USP54: variants seen among roughly 807,000 people sequenced by gnomAD.
The protein encoded by USP54 is ubiquitin carboxyl-terminal hydrolase 54.
USP54 carries 87 observed loss-of-function variants against 170.5 expected under a neutral mutation model. That is an observed-to-expected ratio of 0.51 (90% CI 0.43 to 0.61). The LOEUF (loss-of-function observed/expected upper bound fraction) is 0.61. USP54 is among the 20% of genes least tolerant of loss of function. USP54 has a pLI of 0.00. For missense variants in USP54, 1,786 were observed against 2,047.8 expected (o/e 0.87, Z 2.47); for synonymous variants, 655 against 742.8 (o/e 0.88, Z 1.92).
At position 73,559,301 on chromosome 10, in the gene USP54, C is replaced by T. The variant is rs1014099495; in HGVS notation, c.240+12120G>A. 6.6e-5 allele frequency among the ~76,000 whole-genome samples: 10 copies of T among 152,106 alleles called. No individual in the cohort carries two copies. In the South Asian group the frequency reaches 1.9e-3, roughly 28 times the overall value. On this transcript the variant is annotated intron_variant, in intron 4 of 23. Transcript: ENST00000687698. ...GTAGGCTGGGCGCGGTGGCTCACAC[C>T]TGTAATCCCAGCACCTTGGGAGGCC...
chr10:73,530,142 C>A lies in USP54; in HGVS notation c.1828+1G>T. On this transcript the variant is annotated splice_donor_variant, in intron 14 of 23. Coordinates refer to ENST00000687698, the MANE Select transcript of USP54 (RefSeq NM_001391956.1). LOFTEE classifies it high-confidence loss of function. ...CAATTCTTCCCTAATTATCTCCTCA[C>A]CTGAATCCTCAGAAAAGGGGCTAAG... The A allele has an allele frequency of 6.2e-7, 1 of 1,607,532 alleles. No homozygotes were observed. Among genetic ancestry groups the A allele is most frequent in the East Asian group, 2.2e-5 (1 of 44,832 alleles).
Position 73,526,657 on chromosome 10 carries a change from C to A in USP54, c.2184G>T (p.Gln728His). 6.2e-7 allele frequency: 1 copy of A among 1,613,962 alleles called. No individual in the cohort carries two copies. The highest frequency in any genetic ancestry group is 1.3e-5 in the African/African-American group (1 of 75,040). Residue 728 changes from glutamine to histidine, a missense_variant, in exon 16 of 24, where the codon CAG becomes CAT. By Grantham distance (24) the Gln-to-His change is conservative (BLOSUM62 0). This residue lies in a region of USP54 where 1,418 missense variants were observed against 1,569.0 expected (regional missense o/e 0.90). Transcript: ENST00000687698. ...TGTCATTCTGCTTACCAGAGAAAGG[C>A]TGACTCTTTGTCCAGCCACCCATGG... ...TASMGGWTKS[Q>H]PFSGEEISSK... is the part of the protein sequence containing the mutation.
At position 73,624,804 on chromosome 10, in the gene USP54, C is replaced by T. The variant is rs549308768; in HGVS notation, c.-18+763G>A. On this transcript the variant is annotated intron_variant, in intron 1 of 22. Transcript: ENST00000339859. ...GTGATTTTTAACTCCTGAGAGACAT[C>T]TTTTATTTCAACATTGAGACATTCA... 2.6e-5 allele frequency among the ~76,000 whole-genome samples: 4 copies of T among 152,268 alleles called. No homozygotes were observed. In the South Asian group the frequency reaches 8.3e-4, roughly 32 times the overall value.
intron 1 of USP54, among the ~76,000 whole-genome samples, chr10:73,616,852 TA>T (rs1263102913): frequency 3.4e-5 from 5 of 148,800 alleles, no homozygotes; most frequent in African/African-American, 7.7e-5. Flanking sequence ...AAACAAAACT[TA>T]AAAAAATGTT....
intron 1 of USP54, among the ~76,000 whole-genome samples, chr10:73,587,601 G>C (rs1168114984): frequency 1.3e-5 from 2 of 152,114 alleles, no homozygotes; most frequent in Non-Finnish European, 2.9e-5. Flanking sequence ...ATACAACTTG[G>C]GGACACAGAG....
rs376148269 is a variant in USP54 at position 73,526,720 on chromosome 10, C to A, written c.2121G>T (p.Ser707=). Residue 707 remains serine, a synonymous_variant, in exon 16 of 24, where the codon TCG becomes TCT. Transcript: ENST00000687698. Reference sequence around the variant, plus strand: ...CTACCTCCAGGATGCTACTGCTGTGCGACTTTGGGATATGACGCCAGGAAG... The same window carrying A: ...CTACCTCCAGGATGCTACTGCTGTGAGACTTTGGGATATGACGCCAGGAAG... ...LVPSWRHIPK[S]HSSSILEVDS... 2 of 1,614,088 alleles carry A rather than the reference C, an allele frequency of 1.2e-6. No homozygotes were observed. The highest frequency in any genetic ancestry group is 2.7e-5 in the African/African-American group (2 of 75,016).
rs187604927 is a variant in USP54, at chr10:73,550,798, C to T, written c.241-5126G>A. 5.2e-4 allele frequency among the ~76,000 whole-genome samples: 79 copies of T among 152,250 alleles called. 1 individual carries two copies. The highest frequency in any genetic ancestry group is 1.8e-3 in the African/African-American group (76 of 41,542). On this transcript the variant is annotated intron_variant, in intron 4 of 23. Transcript: ENST00000687698. ...CAAAATAAGACTAAATTTAGTTCTGCTAATTTCAGGTCAAAATTGTTTTTC... is the reference window on the plus strand; with the variant it reads ...CAAAATAAGACTAAATTTAGTTCTGTTAATTTCAGGTCAAAATTGTTTTTC...
chr10:73,612,531 C>T (rs901517110), intron 1 of USP54, among the ~76,000 whole-genome samples: 2 of 151,940 alleles, frequency 1.3e-5, no homozygotes, highest in South Asian at 4.1e-4. Context: ...AAAAACATTG[C>T]CAGCTATATG....
intron 20 of USP54, among the ~76,000 whole-genome samples, chr10:73,511,009 A>G (rs942885951): frequency 6.6e-6 from 1 of 151,844 alleles, no homozygotes; most frequent in African/African-American, 2.4e-5. Context: ...GAAAGAAAAT[A>G]GATTAGTGGT....
intron 1 of USP54, among the ~76,000 whole-genome samples, chr10:73,578,636 T>C (rs112820578): frequency 0.036 from 5,424 of 152,294 alleles, 152 homozygotes; most frequent in South Asian, 0.11. Flanking sequence ...AACCCCTGAC[T>C]TCAGGTGATC....
At chr10:73,558,747 C>A (rs2071928662) in intron 4 of USP54, among the ~76,000 whole-genome samples, 1 of 152,118 alleles carries the variant, frequency 6.6e-6, no homozygotes, top group Non-Finnish European at 1.5e-5. Context: ...GACTCTTGAA[C>A]AACTCAGTGG....
At chr10:73,613,706 C>G (rs545017471) in intron 1 of USP54, among the ~76,000 whole-genome samples, 1 of 150,932 alleles carries the variant, frequency 6.6e-6, no homozygotes, top group African/African-American at 2.4e-5. Context: ...GGTGAAACCC[C>G]GTCTCTACTA....
intron 5 of USP54, 114 bp downstream of exon 5, chr10:73,545,424 G>T: frequency 7.4e-7 from 1 of 1,359,306 alleles, no homozygotes; most frequent in Non-Finnish European, 1.0e-6. Context: ...AAAACTCCTA[G>T]TTCTAACTGT....
Position 73,526,859 on chromosome 10 carries a change from A to T in USP54, c.2061-79T>A, listed in dbSNP as rs572079190. ...ATTCCTAGGACTAAATCTCTCTCTC[A>T]AAAAAAAAAAATCAAACTACACAAT... On this transcript the variant is annotated intron_variant, in intron 15 of 23. Transcript: ENST00000687698. 821 of 665,688 alleles carry T rather than the reference A, an allele frequency of 1.2e-3. 2 individuals carry two copies. Among genetic ancestry groups the T allele is most frequent in the Non-Finnish European group, 1.4e-3 (690 of 483,474 alleles). The allele number at this position is 665,688 out of a possible 1,614,324, so 41.2% of individuals were successfully genotyped here.
chr10:73,519,717 A>G, intron 19 of USP54, 80 bp downstream of exon 19: 1 of 1,588,034 alleles, frequency 6.3e-7, no homozygotes, highest in Non-Finnish European at 8.6e-7. Flanking sequence ...TCGCCAAGAC[A>G]ATGAGAGCTC....
chr10:73,532,359 T>C (rs964966141), intron 12 of USP54, among the ~76,000 whole-genome samples: 2 of 152,046 alleles, frequency 1.3e-5, no homozygotes, highest in African/African-American at 4.8e-5. Flanking sequence ...TTTTTTTTAG[T>C]AGAGACGGGG....
intron 1 of USP54, among the ~76,000 whole-genome samples, chr10:73,624,198 A>ATGTATGTAT (rs1554955712): frequency 9.8e-6 from 1 of 102,494 alleles, no homozygotes; most frequent in African/African-American, 4.1e-5. Context: ...ATATATATGT[A>ATGTATGTAT]TTTTTTTTTT....
chr10:73,576,531 C>T (rs1045604330), intron 1 of USP54, among the ~76,000 whole-genome samples, 170 bp from the exon 2 acceptor site: 6 of 148,786 alleles, frequency 4.0e-5, no homozygotes, highest in African/African-American at 1.5e-4. Context: ...GAGAGAGACA[C>T]CCAAACTAAA....
At chr10:73,577,391 T>C (rs1589258026) in intron 1 of USP54, among the ~76,000 whole-genome samples, 1 of 152,340 alleles carries the variant, frequency 6.6e-6, no homozygotes, top group South Asian at 2.1e-4. Flanking sequence ...TTCCCTTCTG[T>C]AAATTCCCAG....
Sources: gnomAD v4.1 joint callset for allele counts (sites outside exome capture counted in the v4.1 genomes callset) on GRCh38, gnomAD v4.1.1 for gene constraint, gnomAD v4.1.1 regional missense constraint, MANE v1.5 for transcripts, NCBI Gene and HGNC (gene_info 2026-07-23, HGNC 2026-07-21) for gene names.